The following MPI variants were observed in gnomAD, a reference collection of about 807,000 sequenced individuals.
The protein encoded by MPI is mannose phosphate isomerase.
Under a neutral mutation model 40.1 loss-of-function variants are expected in MPI, and 33 were observed. That is an observed-to-expected ratio of 0.82 (90% CI 0.62 to 1.10). MPI has a LOEUF of 1.10. Among genes scored for constraint, MPI ranks in the 50% least tolerant of loss-of-function variants. MPI has a pLI of 0.00. For missense variants in MPI, 514 were observed against 524.1 expected, an observed-to-expected ratio of 0.98 and a Z score of 0.19; for synonymous variants, 187 against 207.4, an observed-to-expected ratio of 0.90 and a Z score of 0.85.
intron 5 of MPI, among the ~76,000 whole-genome samples, chr15:74,894,107 T>TGTTTTTCTGAGCCAG (rs1555478772): frequency 1.6e-5 from 1 of 60,958 alleles, no homozygotes; most frequent in Non-Finnish European, 4.6e-5. Context: ...TGTGTGTGTG[T>TGTTTTTCTGAGCCAG]GGTCTCTTTC....
At chr15:74,892,617 G>A (rs2064743382) in intron 3 of MPI, 44 bp from the exon 4 acceptor site, 3 of 1,612,182 alleles carry the variant, frequency 1.9e-6, no homozygotes, top group Middle Eastern at 1.8e-4. Flanking sequence ...GCTAGGTAAT[G>A]GCTGTACCCT....
Position 74,896,283 on chromosome 15 carries a change from A to G in MPI, c.802A>G (p.Met268Val), listed in dbSNP as rs763589568. 5 of 1,614,176 alleles carry G rather than the reference A, an allele frequency of 3.1e-6. No individual in the cohort carries two copies. The highest frequency in any genetic ancestry group is 4.2e-6 in the Non-Finnish European group (5 of 1,180,026). Reference protein sequence around the residue: ...NLLTLKPGEAMFLEANVPHAY... With the variant: ...NLLTLKPGEAVFLEANVPHAY... ...GCTTACCCTGAAGCCTGGGGAGGCC[A>G]TGTTTCTGGAGGCCAACGTACCCCA... Residue 268 changes from methionine to valine, a missense_variant, in exon 6 of 8, where the codon ATG (methionine) becomes GTG (valine). By Grantham distance (21) the Met-to-Val change is conservative. Coordinates refer to ENST00000352410, the MANE Select transcript of MPI (RefSeq NM_002435.3).
At chr15:74,897,269 G>A in intron 7 of MPI, 50 bp downstream of exon 7, 2 of 1,599,236 alleles carry the variant, frequency 1.3e-6, no homozygotes, top group Non-Finnish European at 8.6e-7. Context: ...GAAAATCTCT[G>A]GCAAGGGTCA....
At position 74,898,018 on chromosome 15, in the gene MPI, T is replaced by C; in HGVS notation, c.*288T>C. The C allele has an allele frequency of 2.1e-6, 1 of 484,438 alleles. No homozygotes were observed. The highest frequency in any genetic ancestry group is 4.0e-5 in the East Asian group (1 of 25,158). 30.0% of individuals were successfully genotyped at this position (484,438 alleles called of 1,614,324 possible). A position where few individuals can be genotyped will look rare whatever the true frequency, so the allele number is the denominator to read the frequency against. ...GGCTCTTGCCAACTCTGTTCCAGCC[T>C]ATGGCTTTAGGCTAGCTGTTAAATA... On this transcript the variant is annotated 3_prime_UTR_variant, in exon 8 of 8. Transcript: ENST00000352410.
intron 5 of MPI, among the ~76,000 whole-genome samples, chr15:74,894,087 T>TGTGTGTTTTTCTG (rs2064773790): frequency 1.6e-5 from 1 of 60,828 alleles, no homozygotes; most frequent in Non-Finnish European, 3.3e-5. Flanking sequence ...TGTGTGTGTG[T>TGTGTGTTTTTCTG]GTGTGTGTGT....
Position 74,891,595 on chromosome 15 carries a change from C to T in MPI, c.345+16C>T, listed in dbSNP as rs143242949. 26,274 of 1,612,636 alleles carry T rather than the reference C, an allele frequency of 0.016. 228 individuals carry two copies. The highest frequency in any genetic ancestry group is 0.019 in the Non-Finnish European group (22,090 of 1,178,658). On this transcript the variant is annotated intron_variant, in intron 3 of 7. Coordinates refer to ENST00000352410, the MANE Select transcript of MPI (RefSeq NM_002435.3). ...CCCTAACAAGGTAAAGGACAGAGTG[C>T]GGTGCAGAGGTCAGGGTACAGAAGG...
At position 74,892,598 on chromosome 15, in the gene MPI, G is replaced by A. The variant is rs1427495131; in HGVS notation, c.346-63G>A. The A allele has an allele frequency of 1.9e-6, 3 of 1,607,384 alleles. No individual in the cohort carries two copies. The African/African-American group carries it at 4.0e-5, about 21-fold the overall frequency. Reference sequence around the variant, plus strand: ...TGGACAGCAGGGGCTAGGTGGCACTGGTGTACCTGCTAGGTAATGGCTGTA... The same window carrying A: ...TGGACAGCAGGGGCTAGGTGGCACTAGTGTACCTGCTAGGTAATGGCTGTA... On this transcript the variant is annotated intron_variant, in intron 3 of 7. Coordinates refer to ENST00000352410, the MANE Select transcript of MPI (RefSeq NM_002435.3).
rs767561046 is a variant in MPI, at chr15:74,897,180, T to C, written c.1014T>C (p.Tyr338=). ...RSQEDPYLSI[Y]DPPVPDFTIM... is the part of the protein sequence containing the mutation. ...AGGAAGACCCCTACCTCTCAATCTATGACCCCCCTGTACCAGACTTCACCA... is the reference window on the plus strand; with the variant it reads ...AGGAAGACCCCTACCTCTCAATCTACGACCCCCCTGTACCAGACTTCACCA... Residue 338 remains tyrosine, a synonymous_variant, in exon 7 of 8, where the codon TAT becomes TAC. Coordinates refer to ENST00000352410, the MANE Select transcript of MPI (RefSeq NM_002435.3). The C allele has an allele frequency of 6.2e-7, 1 of 1,614,178 alleles. No homozygotes were observed. The highest frequency in any genetic ancestry group is 8.5e-7 in the Non-Finnish European group (1 of 1,180,016).
Position 74,901,081 on chromosome 15 carries a change from A to C in MPI, c.*3351A>C, listed in dbSNP as rs979727053. 2.0e-5 allele frequency: 3 copies of C among 152,192 alleles called. No individual in the cohort carries two copies. The highest frequency in any genetic ancestry group is 4.4e-5 in the Non-Finnish European group (3 of 68,032). The allele number at this position is 152,192 out of a possible 1,614,324, so 9.4% of individuals were successfully genotyped here. A position where few individuals can be genotyped will look rare whatever the true frequency, so the allele number is the denominator to read the frequency against. On this transcript the variant is annotated 3_prime_UTR_variant, in exon 8 of 8. Coordinates refer to ENST00000352410, the MANE Select transcript of MPI (RefSeq NM_002435.3). ...GTGGTCACAGGACACTGAGTAAAGC[A>C]AGAGACTGGATACTTTCCCATGTAG...
chr15:74,896,855 G>T (rs776077623), intron 6 of MPI, 156 bp from the exon 7 acceptor site: 9 of 737,240 alleles, frequency 1.2e-5, no homozygotes, highest in South Asian at 1.2e-4. Context: ...CCTGTTTTTG[G>T]TATTTGATAT....
At chr15:74,896,384 T>C (rs769324191) in intron 6 of MPI, 59 bp downstream of exon 6, 1 of 1,599,040 alleles carries the variant, frequency 6.3e-7, no homozygotes, top group African/African-American at 1.3e-5. Context: ...TGTTTCCCTA[T>C]CTGGACAAAG....
rs778966484 is a variant in MPI, at chr15:74,890,572, T to A, written c.62T>A (p.Met21Lys). ...GTGCAGCAGTATGCCTGGGGGAAGA[T>A]GGGTTCCAACAGCGAAGTGGCGCGG... ...CAVQQYAWGKMGSNSEVARLL... is the reference protein window; with the variant it reads ...CAVQQYAWGKKGSNSEVARLL... The change falls in exon 2 of 8, where the codon ATG becomes AAG. Residue 21 changes from methionine (M) to lysine (K), a missense_variant. Met to Lys is a moderately conservative substitution (Grantham distance 95). Coordinates refer to ENST00000352410, the MANE Select transcript of MPI (RefSeq NM_002435.3). 1 of 1,614,084 alleles carries A rather than the reference T, an allele frequency of 6.2e-7. No individual in the cohort carries two copies. The highest frequency in any genetic ancestry group is 8.5e-7 in the Non-Finnish European group (1 of 1,180,020).
intron 5 of MPI, among the ~76,000 whole-genome samples, chr15:74,894,289 G>A (rs2064783987): frequency 6.6e-6 from 1 of 151,728 alleles, no homozygotes; most frequent in African/African-American, 2.4e-5. Flanking sequence ...TCACCATGTT[G>A]CCTAGGCGGG....
At position 74,890,607 on chromosome 15, in the gene MPI, A is replaced by G. The variant is rs763585470; in HGVS notation, c.97A>G (p.Ser33Gly). 1 of 1,614,184 alleles carries G rather than the reference A, an allele frequency of 6.2e-7. No individual in the cohort carries two copies. The highest frequency in any genetic ancestry group is 8.5e-7 in the Non-Finnish European group (1 of 1,180,028). Residue 33 changes from serine (S) to glycine (G), a missense_variant, in exon 2 of 8, where the codon AGC (serine) becomes GGC (glycine). Physicochemically the swap from Ser to Gly is moderately conservative, Grantham distance 56. Coordinates refer to ENST00000352410, the MANE Select transcript of MPI (RefSeq NM_002435.3). ...CAGCGAAGTGGCGCGGCTGTTGGCC[A>G]GCAGTGATCCACTGGCCCAGATCGC... is the stretch of plus-strand genomic sequence containing the variant. The part of the protein sequence containing the change: ...SNSEVARLLA[S>G]SDPLAQIAED...
At chr15:74,893,530 A>G (rs1463794565) in intron 5 of MPI, 1 of 661,792 alleles carries the variant, frequency 1.5e-6, no homozygotes, top group African/African-American at 1.8e-5. Flanking sequence ...CCAACTGGTC[A>G]TCTTCTCCAG....
intron 5 of MPI, among the ~76,000 whole-genome samples, chr15:74,894,091 TGTGTG>T (rs2064774941): frequency 3.5e-5 from 2 of 56,800 alleles, no homozygotes; most frequent in Admixed American, 1.9e-4. Flanking sequence ...TGTGTGTGTG[TGTGTG>T]TGTGTGTGTG....
At chr15:74,894,800 A>G (rs2064792962) in intron 5 of MPI, among the ~76,000 whole-genome samples, 1 of 148,962 alleles carries the variant, frequency 6.7e-6, no homozygotes, top group Non-Finnish European at 1.5e-5. Context: ...AAAAAAAAAA[A>G]GAAAAAGAAA....
At chr15:74,890,776 CTTCAGGCTAATGGACTAGATAGTG>C (rs1411194029) in intron 2 of MPI, 122 bp downstream of exon 2, 4 of 1,377,788 alleles carry the variant, frequency 2.9e-6, no homozygotes, top group Non-Finnish European at 4.1e-6. Context: ...CCACTTGGCT[CTTCAGGCTAATGGACTAGATAGTG>C]TTATCAAAAA....
intron 5 of MPI, chr15:74,893,662 C>T: frequency 1.7e-6 from 1 of 586,264 alleles, no homozygotes; most frequent in South Asian, 2.1e-5. Flanking sequence ...GCTAAAGAGG[C>T]AGGAAGGGGA....
Sources: allele counts gnomAD v4.1 joint callset (sites outside exome capture counted in the v4.1 genomes callset), GRCh38; gene constraint gnomAD v4.1.1; transcripts MANE v1.5; gene names NCBI Gene and HGNC (gene_info 2026-07-23, HGNC 2026-07-21).